DLGAP1: variants seen among roughly 807,000 people sequenced by gnomAD.
DLGAP1 encodes disks large-associated protein 1.
DLGAP1 carries 11 observed loss-of-function variants against 90.8 expected under a neutral mutation model. That is an observed-to-expected ratio of 0.12 (90% CI 0.08 to 0.20). The LOEUF (loss-of-function observed/expected upper bound fraction) is 0.20, where lower values mean the gene tolerates loss of function less well. Among genes scored for constraint, DLGAP1 ranks in the 10% least tolerant of loss-of-function variants. The probability of loss-of-function intolerance (pLI) is 1.00; values close to 1 mark genes in which losing one functional copy is unlikely to be tolerated. For synonymous variants in DLGAP1, 558 were observed against 540.7 expected, an observed-to-expected ratio of 1.03 and a Z score of -0.44; for missense variants, 1,050 against 1,333.8, an observed-to-expected ratio of 0.79 and a Z score of 3.31.
chr18:4,147,571 TTCCA>T (rs140010625), intron 2 of DLGAP1, among the ~76,000 whole-genome samples: 31,880 of 147,648 alleles, frequency 0.22, 3,632 homozygotes, highest in African/African-American at 0.27. Context: ...TCATCCATTC[TTCCA>T]TCCATCCATC....
chr18:3,499,118 C>G lies in DLGAP1; in HGVS notation c.*67G>C. The G allele has an allele frequency of 1.5e-5, 21 of 1,388,462 alleles. No homozygotes were observed. The highest frequency in any genetic ancestry group is 2.0e-5 in the Non-Finnish European group (21 of 1,056,212). The allele number at this position is 1,388,462 out of a possible 1,614,324, so 86.0% of individuals were successfully genotyped here. On this transcript the variant is annotated 3_prime_UTR_variant, in exon 13 of 13. Transcript: ENST00000315677. The surrounding 1 kb of genome is among the most constrained non-coding windows in gnomAD (Gnocchi z 6.4). The stretch of plus-strand genomic sequence containing the variant: ...GACGGGCTCGGAGGGGGAGAGGCAG[C>G]CGGCAGAGGAGCGGCCGGGGGAGGA...
intron 6 of DLGAP1, among the ~76,000 whole-genome samples, chr18:3,730,487 C>G (rs2062383705): frequency 6.6e-6 from 1 of 152,100 alleles, no homozygotes; most frequent in Admixed American, 6.5e-5. Context: ...CAGTCAACTT[C>G]TCACTTTTTA....
intron 3 of DLGAP1, among the ~76,000 whole-genome samples, chr18:3,958,645 T>G (rs1334525843): frequency 6.8e-6 from 1 of 147,956 alleles, no homozygotes. Flanking sequence ...AAAAAGGCTT[T>G]GTGGCAGGTT....
chr18:4,339,146 G>T (rs2081136219), intron 1 of DLGAP1, among the ~76,000 whole-genome samples: 1 of 152,170 alleles, frequency 6.6e-6, no homozygotes, highest in South Asian at 2.1e-4. Flanking sequence ...GACTCTTTCA[G>T]TCTACTGAGT....
intron 1 of DLGAP1, among the ~76,000 whole-genome samples, chr18:4,326,456 A>T (rs1206608694): frequency 1.3e-5 from 2 of 152,182 alleles, no homozygotes; most frequent in Non-Finnish European, 2.9e-5. Context: ...AACTGAACAC[A>T]GAATTAGCAT....
chr18:3,728,561 T>C (rs2062283854), intron 7 of DLGAP1, among the ~76,000 whole-genome samples: 1 of 152,088 alleles, frequency 6.6e-6, no homozygotes, highest in Non-Finnish European at 1.5e-5. Flanking sequence ...TTATACAGGA[T>C]AGATCGAAGT....
At chr18:4,369,267 ATGTT>A (rs2081858598) in intron 1 of DLGAP1, among the ~76,000 whole-genome samples, 1 of 151,636 alleles carries the variant, frequency 6.6e-6, no homozygotes, top group Non-Finnish European at 1.5e-5. Context: ...ATATGCATAT[ATGTT>A]TGTGTATACA....
At chr18:3,592,843 C>CAAAAAAAAAA (rs56871583) in intron 7 of DLGAP1, among the ~76,000 whole-genome samples, 2 of 42,594 alleles carry the variant, frequency 4.7e-5, no homozygotes, top group African/African-American at 6.6e-5. Flanking sequence ...GACCCTGCCT[C>CAAAAAAAAAA]AAAAAAAAAA....
At chr18:4,025,193 G>A (rs901199917) in intron 2 of DLGAP1, among the ~76,000 whole-genome samples, 1 of 152,276 alleles carries the variant, frequency 6.6e-6, no homozygotes, top group East Asian at 1.9e-4. Flanking sequence ...TCATGTGTGT[G>A]CACTCTACAC....
At chr18:3,704,930 G>A (rs1029561203) in intron 7 of DLGAP1, among the ~76,000 whole-genome samples, 6 of 152,204 alleles carry the variant, frequency 3.9e-5, no homozygotes, top group Non-Finnish European at 8.8e-5. Context: ...GCAGTCTTGT[G>A]TAAAGAGACA....
At chr18:4,361,214 AAAT>A (rs1159523398) in intron 1 of DLGAP1, among the ~76,000 whole-genome samples, 3 of 152,182 alleles carry the variant, frequency 2.0e-5, no homozygotes, top group Non-Finnish European at 4.4e-5. Flanking sequence ...TGATATGTGC[AAAT>A]AATTTTACTT....
intron 7 of DLGAP1, among the ~76,000 whole-genome samples, chr18:3,680,570 G>A (rs994777024): frequency 6.6e-6 from 1 of 152,176 alleles, no homozygotes; most frequent in Non-Finnish European, 1.5e-5. Flanking sequence ...GGCAGATCAT[G>A]GAGTCAGGAG....
At chr18:4,050,350 T>C (rs1397044177) in intron 2 of DLGAP1, among the ~76,000 whole-genome samples, 2 of 152,202 alleles carry the variant, frequency 1.3e-5, no homozygotes, top group African/African-American at 4.8e-5. Flanking sequence ...TAGACTTGTA[T>C]GGGGTTTTGA....
At position 3,517,871 on chromosome 18, in the gene DLGAP1, T is replaced by C. The variant is rs1162026262; in HGVS notation, c.2480-9210A>G. ...AATGTGTCTCTGATTAAGCTTTGGC[T>C]TAAGGGAATGTTGTGCCTGGTTTGT... On this transcript the variant is annotated intron_variant, in intron 10 of 12. Transcript: ENST00000315677. The surrounding 1 kb of genome is among the most constrained non-coding windows in gnomAD (Gnocchi z 4.1). 6.6e-6 allele frequency among the ~76,000 whole-genome samples: 1 copy of C among 151,600 alleles called. No homozygotes were observed. Among genetic ancestry groups the C allele is most frequent in the Non-Finnish European group, 1.5e-5 (1 of 67,966 alleles).
chr18:3,929,592 T>G (rs571540879), intron 3 of DLGAP1, among the ~76,000 whole-genome samples: 1 of 152,200 alleles, frequency 6.6e-6, no homozygotes, highest in African/African-American at 2.4e-5. Context: ...CTGGGGCCAT[T>G]GTGCAGAGTT....
intron 1 of DLGAP1, among the ~76,000 whole-genome samples, chr18:4,434,172 C>T (rs1222515056): frequency 1.9e-5 from 1 of 53,658 alleles, no homozygotes; most frequent in African/African-American, 3.5e-5. Flanking sequence ...CATCCCTATA[C>T]AACAGCATTT....
chr18:3,664,192 ACACACACACACACACACACACACACC>A lies in DLGAP1; in HGVS notation c.1591+64917_1591+64942del, dbSNP rs1268920309. On this transcript the variant is annotated intron_variant, in intron 7 of 12. Coordinates refer to ENST00000315677, the MANE Select transcript of DLGAP1 (RefSeq NM_004746.4). Reference sequence around the variant, plus strand: ...TAATTATGGGTCAGTATACACACACACACACACACACACACACACACACACCCACACACACACACACACACGGATAT... The same window carrying A: ...TAATTATGGGTCAGTATACACACACACACACACACACACACACACGGATAT... Among the ~76,000 whole-genome samples the A allele has an allele frequency of 6.0e-5, 8 of 132,498 alleles. No individual in the cohort carries two copies. In the East Asian group the frequency reaches 8.1e-4, roughly 13 times the overall value. 86.9% of individuals were successfully genotyped at this position (132,498 alleles called of 152,430 possible). A position where few individuals can be genotyped will look rare whatever the true frequency, so the allele number is the denominator to read the frequency against.
intron 5 of DLGAP1, among the ~76,000 whole-genome samples, chr18:3,809,677 A>G (rs2066733658): frequency 6.6e-6 from 1 of 152,204 alleles, no homozygotes; most frequent in Admixed American, 6.5e-5. Flanking sequence ...GTGCTTGGAT[A>G]AAGAGATGAA....
chr18:3,540,321 G>A (rs1199774973), intron 9 of DLGAP1, among the ~76,000 whole-genome samples: 1 of 151,568 alleles, frequency 6.6e-6, no homozygotes, highest in East Asian at 1.9e-4. Context: ...ACAAAAATTA[G>A]CCTGACATGG....
Sources: gnomAD v4.1 joint callset for allele counts (sites outside exome capture counted in the v4.1 genomes callset) on GRCh38, gnomAD v4.1.1 for gene constraint, Gnocchi (gnomAD v3.1) non-coding constraint, MANE v1.5 for transcripts, NCBI Gene and HGNC (gene_info 2026-07-23, HGNC 2026-07-21) for gene names.